KIF4A: variants seen among roughly 807,000 people sequenced by gnomAD.
The protein encoded by KIF4A is chromosome-associated kinesin KIF4A.
A neutral mutation model predicts 105.9 loss-of-function variants in KIF4A; 7 were observed. That is an observed-to-expected ratio of 0.07 (90% CI 0.04 to 0.12). The LOEUF (loss-of-function observed/expected upper bound fraction) is 0.12. Ranked by LOEUF, KIF4A falls within the 10% of genes least tolerant of loss-of-function variation. The pLI is 1.00. For synonymous variants in KIF4A, 281 were observed against 331.3 expected, an observed-to-expected ratio of 0.85 and a Z score of 1.65; for missense variants, 558 against 929.2, an observed-to-expected ratio of 0.60 and a Z score of 5.19.
intron 15 of KIF4A, among the ~76,000 whole-genome samples, chrX:70,357,006 G>A (rs771854061): frequency 2.7e-5 from 3 of 111,464 alleles, no homozygotes; most frequent in East Asian, 2.8e-4. Flanking sequence ...CTTAGTTTTC[G>A]ATATACCTGT....
chrX:70,417,849 C>G lies in KIF4A; in HGVS notation c.3256-39C>G. 2.8e-6 allele frequency: 3 copies of G among 1,085,159 alleles called. No individual in the cohort carries two copies. The South Asian group carries it at 6.1e-5, about 22-fold the overall frequency. 89.4% of individuals were successfully genotyped at this position (1,085,159 alleles called of 1,213,427 possible). A position where few individuals can be genotyped will look rare whatever the true frequency, so the allele number is the denominator to read the frequency against. On this transcript the variant is annotated intron_variant, in intron 28 of 30. Transcript: ENST00000374403. ...AGTCATTTTAAACTAGTCTTCTAACCCTTTCAGTAATGTGTCTTTCTGCAA... is the reference window on the plus strand; with the variant it reads ...AGTCATTTTAAACTAGTCTTCTAACGCTTTCAGTAATGTGTCTTTCTGCAA...
At chrX:70,320,408 A>C (rs1416459855) in intron 7 of KIF4A, among the ~76,000 whole-genome samples, 1 of 112,369 alleles carries the variant, frequency 8.9e-6, no homozygotes, top group Non-Finnish European at 1.9e-5. Flanking sequence ...CACAATAGCA[A>C]AAATTTGGAA....
chrX:70,295,578 T>C (rs1193427381), intron 3 of KIF4A, among the ~76,000 whole-genome samples: 1 of 111,204 alleles, frequency 9.0e-6, no homozygotes, highest in Non-Finnish European at 1.9e-5. Context: ...GCCTTCTATT[T>C]AATAATTTAA....
chrX:70,414,889 A>G (rs1041471720), intron 28 of KIF4A, among the ~76,000 whole-genome samples: 10 of 111,820 alleles, frequency 8.9e-5, no homozygotes, highest in Admixed American at 4.8e-4. Context: ...CTGTTCCTTC[A>G]TCCTGTGAGC....
At chrX:70,382,600 C>CA (rs1311538046) in intron 18 of KIF4A, among the ~76,000 whole-genome samples, 1 of 111,410 alleles carries the variant, frequency 9.0e-6, no homozygotes, top group Non-Finnish European at 1.9e-5. Context: ...AACAGCTAAC[C>CA]AAAAAAGAGT....
rs754693441 is a variant in KIF4A at position 70,400,022 on chromosome X, CT to C, written c.2490-2532del. The stretch of plus-strand genomic sequence containing the variant: ...TTCAGATTCAACATTGCAACTAACT[CT>C]TTTTTTTTTTTATTATACTTTAAGT... On this transcript the variant is annotated intron_variant, in intron 22 of 30. Transcript: ENST00000374403. 2.8e-3 allele frequency among the ~76,000 whole-genome samples: 274 copies of C among 97,722 alleles called. 1 individual carries two copies. The highest frequency in any genetic ancestry group is 7.1e-3 in the South Asian group (14 of 1,972). The allele number at this position is 97,722 out of a possible 115,157, so 84.9% of individuals were successfully genotyped here.
chrX:70,307,345 T>C (rs747278453), intron 7 of KIF4A, among the ~76,000 whole-genome samples: 1 of 111,443 alleles, frequency 9.0e-6, no homozygotes, highest in African/African-American at 3.3e-5. Context: ...TTAGTTCTAA[T>C]AGCTTTTTAA....
intron 15 of KIF4A, among the ~76,000 whole-genome samples, chrX:70,365,609 G>A (rs1602776688): frequency 9.0e-6 from 1 of 111,519 alleles, no homozygotes. Context: ...GATCATGGCG[G>A]ATAAGCTTTT....
chrX:70,337,847 G>C (rs1362154414), intron 10 of KIF4A, among the ~76,000 whole-genome samples: 1 of 112,070 alleles, frequency 8.9e-6, no homozygotes, highest in Non-Finnish European at 1.9e-5. Context: ...CCACCATACT[G>C]TTTTCCATAG....
chrX:70,378,642 C>T (rs745922629), intron 18 of KIF4A, among the ~76,000 whole-genome samples: 7 of 108,180 alleles, frequency 6.5e-5, no homozygotes, highest in East Asian at 2.9e-4. Flanking sequence ...GCAGGAGAAT[C>T]GCTTGAACCC....
intron 7 of KIF4A, among the ~76,000 whole-genome samples, chrX:70,326,334 A>G (rs994379392): frequency 8.9e-6 from 1 of 111,918 alleles, no homozygotes; most frequent in African/African-American, 3.2e-5. Flanking sequence ...CCAGTGGCAC[A>G]CATACCCCAC....
chrX:70,333,181 A>G (rs755485251), intron 9 of KIF4A, among the ~76,000 whole-genome samples: 19 of 109,626 alleles, frequency 1.7e-4, no homozygotes, highest in Non-Finnish European at 3.0e-4. Context: ...TCTACAAAAA[A>G]TACAAAAATT....
rs758964455 is a variant in KIF4A, at chrX:70,371,591, G to A, written c.1675-2560G>A. 9.3e-5 allele frequency among the ~76,000 whole-genome samples: 10 copies of A among 107,512 alleles called. No homozygotes were observed. In the East Asian group the frequency reaches 2.8e-3, roughly 30 times the overall value. 93.4% of individuals were successfully genotyped at this position (107,512 alleles called of 115,157 possible). On this transcript the variant is annotated intron_variant, in intron 15 of 30. Transcript: ENST00000374403. ...CCCTTACCTCCCGGACGGGGCAGCTGGCCGGGCGGGGGGCTGACCCCCCCA... is the reference window on the plus strand; with the variant it reads ...CCCTTACCTCCCGGACGGGGCAGCTAGCCGGGCGGGGGGCTGACCCCCCCA...
At chrX:70,354,899 C>G (rs1322408057) in intron 15 of KIF4A, among the ~76,000 whole-genome samples, 1 of 112,198 alleles carries the variant, frequency 8.9e-6, no homozygotes, top group Non-Finnish European at 1.9e-5. Flanking sequence ...GGCTTTCTTC[C>G]CAGCTGCTGG....
At chrX:70,411,208 C>G (rs1182277867) in intron 28 of KIF4A, among the ~76,000 whole-genome samples, 1 of 110,678 alleles carries the variant, frequency 9.0e-6, no homozygotes, top group East Asian at 2.8e-4. Flanking sequence ...GGGAGGATCA[C>G]TTGAGCCCAG....
intron 3 of KIF4A, among the ~76,000 whole-genome samples, chrX:70,292,963 C>T (rs932599831): frequency 8.9e-6 from 1 of 112,107 alleles, no homozygotes; most frequent in Non-Finnish European, 1.9e-5. Context: ...TCAACAGCAC[C>T]CTCTTGTACT....
chrX:70,336,525 G>T (rs746183108), intron 10 of KIF4A, among the ~76,000 whole-genome samples: 2 of 111,655 alleles, frequency 1.8e-5, no homozygotes, highest in East Asian at 5.6e-4. Flanking sequence ...GGAATGTATT[G>T]TCATACTTTT....
At chrX:70,396,568 G>A (rs1286572677) in intron 22 of KIF4A, among the ~76,000 whole-genome samples, 1 of 111,420 alleles carries the variant, frequency 9.0e-6, no homozygotes, top group Admixed American at 9.6e-5. Flanking sequence ...TAGAGAGTCA[G>A]GCACCATAAT....
chrX:70,310,113 C>T (rs1219911737), intron 7 of KIF4A, among the ~76,000 whole-genome samples: 1 of 111,893 alleles, frequency 8.9e-6, no homozygotes, highest in African/African-American at 3.2e-5. Context: ...TTGAGTTTTG[C>T]TAGTTATATA....
Sources: gnomAD v4.1 joint callset for allele counts (sites outside exome capture counted in the v4.1 genomes callset) on GRCh38, gnomAD v4.1.1 for gene constraint, MANE v1.5 for transcripts, NCBI Gene and HGNC (gene_info 2026-07-23, HGNC 2026-07-21) for gene names.